Variants in VCAN observed in about 807,000 individuals in gnomAD.
VCAN encodes the protein versican.
Under a neutral mutation model 245.5 loss-of-function variants are expected in VCAN, and 44 were observed. That is an observed-to-expected ratio of 0.18 (90% CI 0.14 to 0.23). VCAN has a LOEUF of 0.23. Among genes scored for constraint, VCAN ranks in the 10% least tolerant of loss-of-function variants. The pLI, the probability that VCAN is intolerant of heterozygous loss-of-function variation, is 1.00. For synonymous variants in VCAN, 1,413 were observed against 1,437.0 expected, an observed-to-expected ratio of 0.98 and a Z score of 0.38; for missense variants, 3,793 against 4,057.9, an observed-to-expected ratio of 0.93 and a Z score of 1.77.
At position 83,519,933 on chromosome 5, in the gene VCAN, G is replaced by C. The variant is rs372953890; in HGVS notation, c.1627G>C (p.Val543Leu). 1.2e-6 allele frequency: 2 copies of C among 1,614,064 alleles called. No homozygotes were observed. Among genetic ancestry groups the C allele is most frequent in the Non-Finnish European group, 1.7e-6 (2 of 1,179,962 alleles). Residue 543 changes from valine (V) to leucine (L), a missense_variant, in exon 7 of 15, where the codon GTA (valine) becomes CTA (leucine). Physicochemically the swap from Val to Leu is conservative, Grantham distance 32 (BLOSUM62 1). Coordinates refer to ENST00000265077, the MANE Select transcript of VCAN (RefSeq NM_004385.5). ...KKMVSTVSEL[V>L]TTGHYGFTLG... ...AATGGTAAGCACTGTTTCTGAATTG[G>C]TAACCACAGGTCACTATGGATTCAC...
chr5:83,567,042 A>C (rs1748106414), intron 12 of VCAN, among the ~76,000 whole-genome samples: 1 of 152,046 alleles, frequency 6.6e-6, no homozygotes, highest in Non-Finnish European at 1.5e-5. Flanking sequence ...GCTTGAATTC[A>C]ATTAGGGGAA....
Position 83,519,836 on chromosome 5 carries a change from C to G in VCAN, c.1530C>G (p.Ser510=), listed in dbSNP as rs138776791. ...TSMEILKHIP[S]KEFPVTETPL... is the part of the protein sequence containing the mutation. ...TGGAAATCTTAAAGCACATTCCTTC[C>G]AAGGAATTCCCTGTAACTGAAACAC... is the stretch of plus-strand genomic sequence containing the variant. Residue 510 remains serine (S), a synonymous_variant, in exon 7 of 15, where the codon TCC becomes TCG. Transcript: ENST00000265077. 1.1e-5 allele frequency: 17 copies of G among 1,613,944 alleles called. No individual in the cohort carries two copies. The African/African-American group carries it at 2.3e-4, about 22-fold the overall frequency.
chr5:83,578,396 T>C (rs991535294), intron 13 of VCAN, among the ~76,000 whole-genome samples: 1 of 151,948 alleles, frequency 6.6e-6, no homozygotes, highest in African/African-American at 2.4e-5. Context: ...GCTTAGTACC[T>C]GGGTGACAAA....
intron 5 of VCAN, among the ~76,000 whole-genome samples, chr5:83,500,646 C>CT (rs1179455149): frequency 6.6e-6 from 1 of 152,124 alleles, no homozygotes; most frequent in African/African-American, 2.4e-5. Context: ...TTAGATATGC[C>CT]TTTTTTCTTC....
In VCAN at chr5:83,538,781, A is replaced by G. The variant is rs537545491; in HGVS notation, c.5778A>G (p.Thr1926=). ...NYGAEIRGFS[T]GFPLEEDFSG... ...GGGCAGAAATAAGGGGCTTTTCCAC[A>G]GGTTTTCCTTTGGAGGAAGATTTCA... Residue 1926 remains threonine (T), a synonymous_variant, in exon 8 of 15, where the codon ACA becomes ACG. Coordinates refer to ENST00000265077, the MANE Select transcript of VCAN (RefSeq NM_004385.5). 9 of 1,613,958 alleles carry G rather than the reference A, an allele frequency of 5.6e-6. No homozygotes were observed. The highest frequency in any genetic ancestry group is 5.0e-5 in the Admixed American group (3 of 60,012).
Position 83,540,233 on chromosome 5 carries a change from G to A in VCAN, c.7230G>A (p.Met2410Ile), listed in dbSNP as rs1746914463. 1 of 1,613,888 alleles carries A rather than the reference G, an allele frequency of 6.2e-7. No homozygotes were observed. Among genetic ancestry groups the A allele is most frequent in the Admixed American group, 1.7e-5 (1 of 59,960 alleles). ...TGGCTAGAGCTTATGGTTTTGAAAT[G>A]GCCAAAGAATTTGTTACATCAGCAC... The part of the protein sequence containing the change: ...DFLARAYGFE[M>I]AKEFVTSAPK... The change falls in exon 8 of 15, where the codon ATG becomes ATA. Residue 2410 changes from methionine to isoleucine, a missense_variant. Transcript: ENST00000265077.
At chr5:83,489,831 A>G (rs1207999008) in intron 2 of VCAN, among the ~76,000 whole-genome samples, 2 of 132,606 alleles carry the variant, frequency 1.5e-5, no homozygotes, top group African/African-American at 2.9e-5. Flanking sequence ...TTTATCACTT[A>G]TTTTGTTCAT....
At chr5:83,576,355 A>G (rs1748477593) in intron 13 of VCAN, among the ~76,000 whole-genome samples, 1 of 151,904 alleles carries the variant, frequency 6.6e-6, no homozygotes, top group South Asian at 2.1e-4. Flanking sequence ...TTTTTTGTTC[A>G]GCATTATGTT....
At chr5:83,553,326 T>G (rs745355603) in intron 10 of VCAN, 38 bp from the exon 11 acceptor site, 1 of 1,613,230 alleles carries the variant, frequency 6.2e-7, no homozygotes, top group Non-Finnish European at 8.5e-7. Context: ...TTGAATGACG[T>G]ATGTGCGTTT....
chr5:83,499,806 A>T (rs1014727776), intron 5 of VCAN, among the ~76,000 whole-genome samples: 2 of 152,130 alleles, frequency 1.3e-5, no homozygotes, highest in Non-Finnish European at 2.9e-5. Context: ...AGAGTCCAGG[A>T]TGGCTTTGTC....
chr5:83,565,993 C>T (rs1748065970), intron 12 of VCAN, among the ~76,000 whole-genome samples: 1 of 150,062 alleles, frequency 6.7e-6, no homozygotes, highest in African/African-American at 2.5e-5. Flanking sequence ...GACGGTGTCT[C>T]ACTCTTGTTG....
chr5:83,553,051 G>A (rs1221777699), intron 10 of VCAN, among the ~76,000 whole-genome samples: 1 of 152,196 alleles, frequency 6.6e-6, no homozygotes, highest in East Asian at 1.9e-4. Context: ...TGCTTCACAA[G>A]TAAGTCAGCC....
At chr5:83,576,286 T>C (rs1166763367) in intron 13 of VCAN, among the ~76,000 whole-genome samples, 1 of 152,174 alleles carries the variant, frequency 6.6e-6, no homozygotes, top group African/African-American at 2.4e-5. Context: ...TTTAGTGTTG[T>C]ACATTTTTGA....
Position 83,508,310 on chromosome 5 carries a change from T to A in VCAN, c.749-3793T>A, listed in dbSNP as rs540830424. ...TGTTGTAAGTTAATTGAGAGTCCTC[T>A]TCTTGATTAAAATATAGGTCTTTAG... is the stretch of plus-strand genomic sequence containing the variant. On this transcript the variant is annotated intron_variant, in intron 5 of 14. Transcript: ENST00000265077. Among the ~76,000 whole-genome samples, 24 of 152,324 alleles carry A rather than the reference T, an allele frequency of 1.6e-4. No homozygotes were observed. In the South Asian group the frequency reaches 3.7e-3, roughly 24 times the overall value.
rs1283825656 is a variant in VCAN at position 83,580,383 on chromosome 5, A to G, written c.10140A>G (p.Thr3380=). ...CAGCAAAGGACAATTCAATAAATACATCCAAACATGATCATCGTTGGAGCC... is the reference window on the plus strand; with the variant it reads ...CAGCAAAGGACAATTCAATAAATACGTCCAAACATGATCATCGTTGGAGCC... ...SSSAKDNSIN[T]SKHDHRWSRR... The change falls in exon 15 of 15, where the codon ACA becomes ACG. Residue 3380 remains threonine, a synonymous_variant. Transcript: ENST00000265077. The G allele has an allele frequency of 6.2e-7, 1 of 1,613,886 alleles. No individual in the cohort carries two copies. The highest frequency in any genetic ancestry group is 2.2e-5 in the East Asian group (1 of 44,882).
At position 83,541,651 on chromosome 5, in the gene VCAN, A is replaced by G. The variant is rs146955511; in HGVS notation, c.8648A>G (p.Tyr2883Cys). The stretch of plus-strand genomic sequence containing the variant: ...ACTTTCAAACCATCAAGTGAGGAAT[A>G]CCTTCACATAACTGAGCCTCCCTCT... ...EATFKPSSEE[Y>C]LHITEPPSLS... Residue 2883 changes from tyrosine (Y) to cysteine (C), a missense_variant, in exon 8 of 15, where the codon TAC becomes TGC. Tyr to Cys is a radical substitution (Grantham distance 194). This residue lies in a region of VCAN where 3,182 missense variants were observed against 3,250.3 expected (regional missense o/e 0.98). Transcript: ENST00000265077. 8.2e-5 allele frequency: 132 copies of G among 1,613,900 alleles called. No individual in the cohort carries two copies. The African/African-American group carries it at 1.6e-3, about 19-fold the overall frequency.
At chr5:83,478,459 G>A (rs983440681) in intron 1 of VCAN, among the ~76,000 whole-genome samples, 1 of 151,952 alleles carries the variant, frequency 6.6e-6, no homozygotes, top group Non-Finnish European at 1.5e-5. Flanking sequence ...TATATGGATG[G>A]ATATTGGTAC....
intron 12 of VCAN, among the ~76,000 whole-genome samples, chr5:83,568,866 A>T: frequency 6.6e-6 from 1 of 152,070 alleles, no homozygotes; most frequent in South Asian, 2.1e-4. Flanking sequence ...ATTTTATTGC[A>T]TTTGCTTTTG....
chr5:83,569,055 A>C (rs1748187216), intron 12 of VCAN, among the ~76,000 whole-genome samples: 1 of 152,178 alleles, frequency 6.6e-6, no homozygotes, highest in South Asian at 2.1e-4. Context: ...ATGGTGATAT[A>C]ATATTCTATT....
Sources: allele counts gnomAD v4.1 joint callset (sites outside exome capture counted in the v4.1 genomes callset), GRCh38; gene constraint gnomAD v4.1.1; regional missense constraint gnomAD v4.1.1; transcripts MANE v1.5; gene names NCBI Gene and HGNC (gene_info 2026-07-23, HGNC 2026-07-21).